KCNH5: variants seen among roughly 807,000 people sequenced by gnomAD.
The protein encoded by KCNH5 is potassium voltage-gated channel subfamily H member 5, also known as voltage-gated delayed rectifier potassium channel KCNH5.
In KCNH5, 46 loss-of-function variants were observed where a neutral mutation model predicts 96.1. The observed-to-expected ratio is 0.48, with a 90% confidence interval of 0.38 to 0.61. The LOEUF is 0.61. Among genes scored for constraint, KCNH5 ranks in the 20% least tolerant of loss-of-function variants. The pLI, the probability that KCNH5 is intolerant of heterozygous loss-of-function variation, is 0.00. For missense variants in KCNH5, 907 were observed against 1,225.8 expected (o/e 0.74, Z 3.88); for synonymous variants, 439 against 449.8 (o/e 0.98, Z 0.30).
chr14:62,865,646 C>T (rs1382712702), intron 7 of KCNH5, among the ~76,000 whole-genome samples: 2 of 152,198 alleles, frequency 1.3e-5, no homozygotes, highest in East Asian at 3.8e-4. Context: ...TCAGTCTGTA[C>T]TCTCTTCCTT....
chr14:63,006,857 G>T (rs1378098680), intron 2 of KCNH5, among the ~76,000 whole-genome samples: 1 of 152,118 alleles, frequency 6.6e-6, no homozygotes, highest in Non-Finnish European at 1.5e-5. Flanking sequence ...TGTCAGTATT[G>T]GAAACAGCAC....
At chr14:62,941,334 A>G (rs1889785732) in intron 7 of KCNH5, among the ~76,000 whole-genome samples, 1 of 152,160 alleles carries the variant, frequency 6.6e-6, no homozygotes, top group Admixed American at 6.6e-5. Flanking sequence ...ATAAAAGAAC[A>G]TTCCTGCAAA....
At chr14:62,890,553 G>T (rs1888687854) in intron 7 of KCNH5, among the ~76,000 whole-genome samples, 1 of 150,032 alleles carries the variant, frequency 6.7e-6, no homozygotes, top group Admixed American at 6.6e-5. Flanking sequence ...AAAAAAATTA[G>T]CCGGGCGTGG....
At chr14:62,955,707 C>T (rs1004203520) in intron 6 of KCNH5, among the ~76,000 whole-genome samples, 1 of 151,992 alleles carries the variant, frequency 6.6e-6, no homozygotes, top group East Asian at 1.9e-4. Flanking sequence ...AATACCTAGC[C>T]TCCTCTTTCC....
At chr14:62,799,691 T>TTA (rs71410693) in intron 9 of KCNH5, among the ~76,000 whole-genome samples, 3,666 of 57,862 alleles carry the variant, frequency 0.063, 157 homozygotes, top group East Asian at 0.15. Flanking sequence ...GTATATACCT[T>TTA]TATATATATA....
intron 7 of KCNH5, among the ~76,000 whole-genome samples, chr14:62,894,060 A>T (rs1418865422): frequency 6.6e-6 from 1 of 152,202 alleles, no homozygotes; most frequent in Non-Finnish European, 1.5e-5. Flanking sequence ...TTTAGCAAGA[A>T]AGCATTTTAA....
chr14:62,907,325 T>C (rs930839620), intron 7 of KCNH5, among the ~76,000 whole-genome samples: 2 of 152,184 alleles, frequency 1.3e-5, no homozygotes, highest in Non-Finnish European at 1.5e-5. Context: ...GGAAGCAAGA[T>C]AGATCTAGCC....
At chr14:63,003,623 TA>T (rs1259477836) in intron 3 of KCNH5, among the ~76,000 whole-genome samples, 1,504 of 112,222 alleles carry the variant, frequency 0.013, 44 homozygotes, top group African/African-American at 0.022. Flanking sequence ...TATATATATA[TA>T]TTTTTTTTTT....
intron 6 of KCNH5, among the ~76,000 whole-genome samples, chr14:62,971,996 T>C (rs1890417149): frequency 6.6e-6 from 1 of 152,170 alleles, no homozygotes; most frequent in African/African-American, 2.4e-5. Context: ...AAAGTAATAA[T>C]TGATAAGCTG....
Position 62,708,357 on chromosome 14 carries a change from G to C in KCNH5, c.2118C>G (p.Val706=). The C allele has an allele frequency of 3.1e-6, 5 of 1,614,012 alleles. No individual in the cohort carries two copies. Among genetic ancestry groups the C allele is most frequent in the Non-Finnish European group, 4.2e-6 (5 of 1,180,030 alleles). ...GCTTGAACTTCTGGAAGAGCTTTCT[G>C]ACTGGGTGGTCCACGGGAATGCTGA... ...VTLSIPVDHP[V]RKLFQKFKQQ... The change falls in exon 11 of 11, where the codon GTC becomes GTG. Residue 706 remains valine, a synonymous_variant. Coordinates refer to ENST00000322893, the MANE Select transcript of KCNH5 (RefSeq NM_139318.5).
intron 2 of KCNH5, among the ~76,000 whole-genome samples, chr14:63,010,211 A>T (rs1423031670): frequency 6.6e-6 from 1 of 152,202 alleles, no homozygotes; most frequent in Non-Finnish European, 1.5e-5. Context: ...ATTTATGGAC[A>T]AGTCGTATAT....
intron 2 of KCNH5, 104 bp from the exon 3 acceptor site, chr14:63,006,576 A>G (rs969560191): frequency 4.5e-6 from 3 of 673,836 alleles, no homozygotes; most frequent in Non-Finnish European, 7.9e-6. Context: ...TGGCTAGAAA[A>G]TATAATATTG....
chr14:63,042,865 A>C (rs1891852131), intron 1 of KCNH5, among the ~76,000 whole-genome samples: 1 of 152,184 alleles, frequency 6.6e-6, no homozygotes, highest in African/African-American at 2.4e-5. Flanking sequence ...ACACACCTGC[A>C]TATATACTCA....
At chr14:62,899,864 T>A (rs893578607) in intron 7 of KCNH5, among the ~76,000 whole-genome samples, 5 of 152,244 alleles carry the variant, frequency 3.3e-5, no homozygotes, top group South Asian at 2.1e-4. Flanking sequence ...ATTAAAAAAA[T>A]TTTTAATTCT....
At chr14:62,970,029 G>C (rs1272276004) in intron 6 of KCNH5, among the ~76,000 whole-genome samples, 3 of 107,790 alleles carry the variant, frequency 2.8e-5, no homozygotes, top group African/African-American at 7.1e-5. Flanking sequence ...CTGGGTGACA[G>C]AGTGAGACTC....
intron 9 of KCNH5, among the ~76,000 whole-genome samples, chr14:62,797,547 T>A (rs1453647806): frequency 6.6e-6 from 1 of 152,188 alleles, no homozygotes; most frequent in Non-Finnish European, 1.5e-5. Context: ...TAACAGCAAG[T>A]GCACAGGAAG....
At chr14:62,972,317 T>G (rs1224027726) in intron 6 of KCNH5, among the ~76,000 whole-genome samples, 1 of 152,200 alleles carries the variant, frequency 6.6e-6, no homozygotes, top group Non-Finnish European at 1.5e-5. Flanking sequence ...ACACACCTGT[T>G]AGAATAGTCA....
rs527455008 is a variant in KCNH5 at position 62,973,378 on chromosome 14, C to T, written c.942+7494G>A. On this transcript the variant is annotated intron_variant, in intron 6 of 10. Transcript: ENST00000322893. ...CAAATATATATGTTAAAACTTAATC[C>T]TCAATGCAATAATGTTGGGAGATGA... is the stretch of plus-strand genomic sequence containing the variant. Among the ~76,000 whole-genome samples the T allele has an allele frequency of 2.6e-5, 4 of 152,188 alleles. No individual in the cohort carries two copies. In the South Asian group the frequency reaches 8.3e-4, roughly 32 times the overall value.
At chr14:62,770,082 T>C (rs901266740) in intron 10 of KCNH5, among the ~76,000 whole-genome samples, 5 of 152,150 alleles carry the variant, frequency 3.3e-5, no homozygotes, top group Admixed American at 3.3e-4. Flanking sequence ...GTTTAGCTAA[T>C]ATACCATTGT....
Sources: gnomAD v4.1 joint callset for allele counts (sites outside exome capture counted in the v4.1 genomes callset) on GRCh38, gnomAD v4.1.1 for gene constraint, MANE v1.5 for transcripts, NCBI Gene and HGNC (gene_info 2026-07-23, HGNC 2026-07-21) for gene names.